CNTNAP5: variants seen among roughly 807,000 people sequenced by gnomAD.
CNTNAP5 encodes the protein contactin-associated protein-like 5.
CNTNAP5 carries 72 observed loss-of-function variants against 150.2 expected under a neutral mutation model. The ratio of observed to expected loss-of-function variants is 0.48; its 90% CI spans 0.40 to 0.58. CNTNAP5 has a LOEUF of 0.58. Ranked by LOEUF, CNTNAP5 falls within the 20% of genes least tolerant of loss-of-function variation. The pLI is 0.00. For synonymous variants in CNTNAP5, 672 were observed against 619.8 expected (o/e 1.08, Z -1.25); for missense variants, 1,636 against 1,626.2 (o/e 1.01, Z -0.10).
chr2:124,612,264 A>G (rs974875077), intron 12 of CNTNAP5, among the ~76,000 whole-genome samples: 3 of 152,176 alleles, frequency 2.0e-5, no homozygotes, highest in Non-Finnish European at 2.9e-5. Context: ...ATGAATGTTT[A>G]TGTGTGTTTT....
chr2:124,543,674 A>C (rs2104909023), intron 10 of CNTNAP5, among the ~76,000 whole-genome samples: 1 of 152,216 alleles, frequency 6.6e-6, no homozygotes, highest in African/African-American at 2.4e-5. Context: ...TTTTAGATTT[A>C]TTTATTTTTT....
In CNTNAP5 at chr2:124,179,082, C is replaced by A. The variant is rs934380727; in HGVS notation, c.83-42623C>A. Reference sequence around the variant, plus strand: ...TCACCCACTCACTCCCATTCCATACCCCACCCAGCCCGTGACCCTGGCTTT... The same window carrying A: ...TCACCCACTCACTCCCATTCCATACACCACCCAGCCCGTGACCCTGGCTTT... On this transcript the variant is annotated intron_variant, in intron 1 of 23. Coordinates refer to ENST00000682447, the MANE Select transcript of CNTNAP5 (RefSeq NM_001367498.1). Among the ~76,000 whole-genome samples, 7 of 151,780 alleles carry A rather than the reference C, an allele frequency of 4.6e-5. No individual in the cohort carries two copies. In the South Asian group the frequency reaches 1.0e-3, roughly 23 times the overall value.
rs1162422052 is a variant in CNTNAP5 at position 124,920,268 on chromosome 2, T to G, written c.*5980T>G. Among the ~76,000 whole-genome samples the G allele has an allele frequency of 6.6e-6, 1 of 152,082 alleles. No individual in the cohort carries two copies. Among genetic ancestry groups the G allele is most frequent in the Non-Finnish European group, 1.5e-5 (1 of 68,016 alleles). On this transcript the variant is annotated 3_prime_UTR_variant, in exon 24 of 24. Transcript: ENST00000682447. ...ATATCTTCAGAGAACGTGAACAAAGTGCTGGATATGAAACAGGAATAATGC... is the reference window on the plus strand; with the variant it reads ...ATATCTTCAGAGAACGTGAACAAAGGGCTGGATATGAAACAGGAATAATGC...
At chr2:124,307,391 G>A (rs2104653080) in intron 3 of CNTNAP5, among the ~76,000 whole-genome samples, 1 of 152,230 alleles carries the variant, frequency 6.6e-6, no homozygotes, top group East Asian at 1.9e-4. Flanking sequence ...GGGGATTAGA[G>A]CTTCAACATA....
At chr2:124,544,184 T>C (rs970571697) in intron 10 of CNTNAP5, among the ~76,000 whole-genome samples, 1 of 152,132 alleles carries the variant, frequency 6.6e-6, no homozygotes, top group African/African-American at 2.4e-5. Context: ...AGGGATCATC[T>C]TGGAGATACA....
intron 3 of CNTNAP5, among the ~76,000 whole-genome samples, chr2:124,288,622 A>G (rs1688211049): frequency 6.6e-6 from 1 of 152,196 alleles, no homozygotes; most frequent in Non-Finnish European, 1.5e-5. Context: ...TAAAAAATGG[A>G]ACTCATGATT....
intron 7 of CNTNAP5, among the ~76,000 whole-genome samples, chr2:124,477,241 T>A (rs975033100): frequency 6.6e-6 from 1 of 152,156 alleles, no homozygotes; most frequent in African/African-American, 2.4e-5. Context: ...TTTGCAATCT[T>A]ATTGTAGAAT....
At position 124,197,985 on chromosome 2, in the gene CNTNAP5, AAT is replaced by A. The variant is rs1685631375; in HGVS notation, c.83-23718_83-23717del. 2.6e-4 allele frequency among the ~76,000 whole-genome samples: 39 copies of A among 151,436 alleles called. No homozygotes were observed. In the South Asian group the frequency reaches 7.5e-3, roughly 29 times the overall value. ...GACAGAGACTCTGTCTCAAAAAAAAAATAATAAAAATAAAAATAATAATAATA... is the reference window on the plus strand; with the variant it reads ...GACAGAGACTCTGTCTCAAAAAAAAAAATAAAAATAAAAATAATAATAATA... On this transcript the variant is annotated intron_variant, in intron 1 of 23. Transcript: ENST00000682447.
chr2:124,399,780 C>T lies in CNTNAP5; in HGVS notation c.382-17663C>T, dbSNP rs113490390. ...TGCTGCCCATTCACTCCTTTTGATA[C>T]TTCCACCTCAAATAATTTTGAATAG... On this transcript the variant is annotated intron_variant, in intron 3 of 23. Coordinates refer to ENST00000682447, the MANE Select transcript of CNTNAP5 (RefSeq NM_001367498.1). 3.3e-3 allele frequency among the ~76,000 whole-genome samples: 504 copies of T among 152,286 alleles called. 2 individuals carry two copies. The highest frequency in any genetic ancestry group is 0.012 in the African/African-American group (484 of 41,564).
At chr2:124,878,070 T>C (rs1026595253) in intron 21 of CNTNAP5, among the ~76,000 whole-genome samples, 4 of 152,040 alleles carry the variant, frequency 2.6e-5, no homozygotes, top group African/African-American at 9.7e-5. Context: ...CCTGCCACAG[T>C]TTGGTTTTTA....
At chr2:124,126,444 G>T (rs551001133) in intron 1 of CNTNAP5, among the ~76,000 whole-genome samples, 1 of 151,970 alleles carries the variant, frequency 6.6e-6, no homozygotes, top group South Asian at 2.1e-4. Context: ...AAAAGTCCAG[G>T]ACCTGATGGA....
chr2:124,510,307 A>ATCTATATATC (rs1427079459), intron 8 of CNTNAP5, among the ~76,000 whole-genome samples: 2 of 113,574 alleles, frequency 1.8e-5, no homozygotes, highest in African/African-American at 3.6e-5. Context: ...ATATCTATAT[A>ATCTATATATC]TATATCTATA....
chr2:124,632,549 G>A (rs892659506), intron 12 of CNTNAP5, among the ~76,000 whole-genome samples: 6 of 150,198 alleles, frequency 4.0e-5, no homozygotes, highest in African/African-American at 1.5e-4. Context: ...ATTGGGGCCT[G>A]TTAGGGGAGG....
At chr2:124,783,637 T>C (rs2104623376) in intron 17 of CNTNAP5, among the ~76,000 whole-genome samples, 1 of 152,326 alleles carries the variant, frequency 6.6e-6, no homozygotes, top group East Asian at 1.9e-4. Context: ...ATTCAAGTTA[T>C]CACTAAACTC....
chr2:124,643,671 T>C (rs779204079), intron 12 of CNTNAP5, among the ~76,000 whole-genome samples: 2 of 152,044 alleles, frequency 1.3e-5, no homozygotes, highest in Non-Finnish European at 2.9e-5. Flanking sequence ...ATGCTTAGAG[T>C]CTTTACTCAT....
At chr2:124,561,212 C>T (rs1246213901) in intron 10 of CNTNAP5, among the ~76,000 whole-genome samples, 9 of 152,124 alleles carry the variant, frequency 5.9e-5, no homozygotes, top group African/African-American at 2.2e-4. Flanking sequence ...ACAAGGTAAA[C>T]TGCAGAAGAA....
intron 22 of CNTNAP5, among the ~76,000 whole-genome samples, chr2:124,904,873 A>T (rs528542621): frequency 6.6e-6 from 1 of 151,756 alleles, no homozygotes; most frequent in Non-Finnish European, 1.5e-5. Flanking sequence ...GCGAAAATTT[A>T]AAAAATGGGA....
intron 5 of CNTNAP5, among the ~76,000 whole-genome samples, chr2:124,435,293 G>A (rs1692501189): frequency 6.6e-6 from 1 of 152,014 alleles, no homozygotes; most frequent in African/African-American, 2.4e-5. Flanking sequence ...TCCACTGTGG[G>A]CTGGCATCCA....
chr2:124,050,916 C>T (rs1305517358), intron 1 of CNTNAP5, among the ~76,000 whole-genome samples: 1 of 152,072 alleles, frequency 6.6e-6, no homozygotes, highest in Admixed American at 6.6e-5. Flanking sequence ...TGTGTTAGTC[C>T]TGAATGAAAT....
Sources: allele counts gnomAD v4.1 joint callset (sites outside exome capture counted in the v4.1 genomes callset), GRCh38; gene constraint gnomAD v4.1.1; transcripts MANE v1.5; gene names NCBI Gene and HGNC (gene_info 2026-07-23, HGNC 2026-07-21).